NAV3: variants seen among roughly 807,000 people sequenced by gnomAD.
The protein encoded by NAV3 is pore membrane and/or filament interacting like protein 1.
A neutral mutation model predicts 244.7 loss-of-function variants in NAV3; 87 were observed. The observed-to-expected ratio is 0.36, with a 90% CI of 0.30 to 0.42. The LOEUF (loss-of-function observed/expected upper bound fraction) is 0.42, where lower values mean the gene tolerates loss of function less well. NAV3 is among the 20% of genes least tolerant of loss of function. The pLI is 1.00. For missense variants in NAV3, 2,663 were observed against 2,893.3 expected (o/e 0.92, Z 1.83); for synonymous variants, 1,126 against 1,042.2 (o/e 1.08, Z -1.55).
At chr12:77,797,708 G>C (rs1289458596) in intron 2 of NAV3, among the ~76,000 whole-genome samples, 3 of 151,156 alleles carry the variant, frequency 2.0e-5, no homozygotes, top group Non-Finnish European at 2.9e-5. Context: ...AGGGGTGGTG[G>C]TGCGTGCCTG....
chr12:77,709,696 G>T (rs1482666938), intron 2 of NAV3, among the ~76,000 whole-genome samples: 1 of 152,078 alleles, frequency 6.6e-6, no homozygotes, highest in Non-Finnish European at 1.5e-5. Flanking sequence ...CATCATCATA[G>T]TCTGGCAAAC....
intron 2 of NAV3, among the ~76,000 whole-genome samples, chr12:77,818,302 TG>T (rs1872598098): frequency 6.6e-6 from 1 of 152,140 alleles, no homozygotes; most frequent in African/African-American, 2.4e-5. Flanking sequence ...AGAAAGAGTT[TG>T]CAGAAATAAA....
chr12:77,959,323 G>C (rs2137798623), intron 3 of NAV3, among the ~76,000 whole-genome samples: 1 of 152,086 alleles, frequency 6.6e-6, no homozygotes, highest in East Asian at 1.9e-4. Context: ...TAGAGTTTAA[G>C]AAATACTAGA....
intron 2 of NAV3, among the ~76,000 whole-genome samples, chr12:77,592,989 G>C (rs569314190): frequency 2.6e-5 from 4 of 152,286 alleles, no homozygotes; most frequent in South Asian, 2.1e-4. Flanking sequence ...GCAGCAGATG[G>C]AGGTGGTGAA....
intron 2 of NAV3, among the ~76,000 whole-genome samples, chr12:77,669,690 C>A (rs1365611520): frequency 1.3e-5 from 2 of 152,012 alleles, no homozygotes; most frequent in East Asian, 3.9e-4. Context: ...CTAGAGCTCC[C>A]AACTGTATAA....
At chr12:77,868,216 C>A (rs1880375730) in intron 1 of NAV3, among the ~76,000 whole-genome samples, 1 of 128,196 alleles carries the variant, frequency 7.8e-6, no homozygotes, top group African/African-American at 2.6e-5. Flanking sequence ...AATGGGCCCT[C>A]CTAAAACAAC....
At chr12:77,925,670 C>T (rs772361380) in intron 1 of NAV3, among the ~76,000 whole-genome samples, 7 of 152,112 alleles carry the variant, frequency 4.6e-5, no homozygotes, top group African/African-American at 7.2e-5. Flanking sequence ...GCAGCAGCCA[C>T]TGTTAGCCGA....
At position 78,197,531 on chromosome 12, in the gene NAV3, C is replaced by A. The variant is rs1178797568; in HGVS notation, c.6446+130C>A. Reference sequence around the variant, plus strand: ...TTATTTTTTAAATTGACAGATAAAACTGTACATATTGATTGTGTACACCAT... The same window carrying A: ...TTATTTTTTAAATTGACAGATAAAAATGTACATATTGATTGTGTACACCAT... On this transcript the variant is annotated intron_variant, in intron 35 of 39. Coordinates refer to ENST00000397909, the MANE Select transcript of NAV3 (RefSeq NM_001024383.2). The A allele has an allele frequency of 2.0e-5, 12 of 603,924 alleles. No individual in the cohort carries two copies. The African/African-American group carries it at 2.1e-4, about 10-fold the overall frequency. 37.4% of individuals were successfully genotyped at this position (603,924 alleles called of 1,614,324 possible). A position where few individuals can be genotyped will look rare whatever the true frequency, so the allele number is the denominator to read the frequency against.
chr12:78,174,998 T>C (rs2595026), intron 24 of NAV3, among the ~76,000 whole-genome samples: 4 of 152,116 alleles, frequency 2.6e-5, no homozygotes, highest in African/African-American at 9.6e-5. Context: ...AAGAGCTGCT[T>C]GATCCAGGTA....
At chr12:78,204,115 A>G (rs1437681749) in intron 38 of NAV3, among the ~76,000 whole-genome samples, 1 of 151,924 alleles carries the variant, frequency 6.6e-6, no homozygotes, top group East Asian at 1.9e-4. Context: ...AGTTTTTCCA[A>G]ACACCGCATG....
At position 77,992,276 on chromosome 12, in the gene NAV3, A is replaced by T. The variant is rs76814936; in HGVS notation, c.672-2527A>T. On this transcript the variant is annotated intron_variant, in intron 5 of 39. Coordinates refer to ENST00000397909, the MANE Select transcript of NAV3 (RefSeq NM_001024383.2). ...ATTTGAATTTCTCTAGGTCAGAGGT[A>T]TCGTGGGAAGTATTCAAGGCTTGAG... is the stretch of plus-strand genomic sequence containing the variant. Among the ~76,000 whole-genome samples, 256 of 152,294 alleles carry T rather than the reference A, an allele frequency of 1.7e-3. 1 individual carries two copies. The highest frequency in any genetic ancestry group is 5.9e-3 in the African/African-American group (245 of 41,562).
intron 2 of NAV3, among the ~76,000 whole-genome samples, chr12:77,606,209 G>A (rs1386023232): frequency 6.6e-6 from 1 of 152,150 alleles, no homozygotes; most frequent in Non-Finnish European, 1.5e-5. Flanking sequence ...TCAAGAATAA[G>A]TTGGTTATTT....
At chr12:77,608,743 C>G (rs983601008) in intron 2 of NAV3, among the ~76,000 whole-genome samples, 2 of 152,014 alleles carry the variant, frequency 1.3e-5, no homozygotes, top group African/African-American at 4.8e-5. Flanking sequence ...TTTGTCAAGT[C>G]CCATCAATCC....
At chr12:77,927,343 A>C (rs1421397582) in intron 1 of NAV3, among the ~76,000 whole-genome samples, 2 of 152,196 alleles carry the variant, frequency 1.3e-5, no homozygotes, top group African/African-American at 4.8e-5. Flanking sequence ...TAACAGAAAT[A>C]AGGTAGAAGG....
chr12:77,615,529 C>T (rs1338802917), intron 2 of NAV3, among the ~76,000 whole-genome samples: 1 of 152,154 alleles, frequency 6.6e-6, no homozygotes, highest in East Asian at 1.9e-4. Context: ...TGCATCCTTG[C>T]TCCTGTAGGG....
intron 34 of NAV3, among the ~76,000 whole-genome samples, 155 bp downstream of exon 34, chr12:78,190,374 T>C (rs1958920288): frequency 6.6e-6 from 1 of 152,052 alleles, no homozygotes; most frequent in South Asian, 2.1e-4. Context: ...GATCAAACTC[T>C]GTTTCATGAA....
intron 12 of NAV3, among the ~76,000 whole-genome samples, chr12:78,107,638 T>C (rs1954871812): frequency 1.3e-5 from 2 of 151,828 alleles, no homozygotes; most frequent in African/African-American, 2.4e-5. Context: ...TTAAATACTA[T>C]AGCCCACAAA....
At chr12:77,609,536 T>C (rs556661822) in intron 2 of NAV3, among the ~76,000 whole-genome samples, 2 of 152,208 alleles carry the variant, frequency 1.3e-5, no homozygotes, top group South Asian at 4.1e-4. Context: ...TCTGTCCACA[T>C]GATAATGACC....
intron 1 of NAV3, among the ~76,000 whole-genome samples, chr12:77,888,823 A>G (rs1241401666): frequency 6.6e-6 from 1 of 152,112 alleles, no homozygotes; most frequent in South Asian, 2.1e-4. Context: ...CAGAGAGGTG[A>G]GTCATATGTG....
Sources: gnomAD v4.1 joint callset for allele counts (sites outside exome capture counted in the v4.1 genomes callset) on GRCh38, gnomAD v4.1.1 for gene constraint, MANE v1.5 for transcripts, NCBI Gene and HGNC (gene_info 2026-07-23, HGNC 2026-07-21) for gene names.